EVA1A: variants seen among roughly 807,000 people sequenced by gnomAD.
The protein encoded by EVA1A is protein eva-1 homolog A.
A neutral mutation model predicts 9.8 loss-of-function variants in EVA1A; 7 were observed. That is an observed-to-expected ratio of 0.71 (90% CI 0.41 to 1.34). EVA1A has a LOEUF of 1.34. EVA1A is among the 40% of genes most tolerant of loss of function. EVA1A has a pLI of 0.01. For missense variants in EVA1A, 206 were observed against 205.9 expected (o/e 1.00, Z 0.00); for synonymous variants, 90 against 85.6 (o/e 1.05, Z -0.28).
At chr2:75,525,522 T>G (rs1192772604) in intron 1 of EVA1A, among the ~76,000 whole-genome samples, 2 of 152,234 alleles carry the variant, frequency 1.3e-5, no homozygotes, top group East Asian at 3.9e-4. Context: ...GCATGGAGAC[T>G]ATGAGCTCCT....
intron 1 of EVA1A, among the ~76,000 whole-genome samples, chr2:75,532,721 T>C (rs530407968): frequency 4.7e-4 from 71 of 152,262 alleles, no homozygotes; most frequent in African/African-American, 1.6e-3. Flanking sequence ...AAAGAAATAA[T>C]GGCTTTAAAA....
intron 1 of EVA1A, among the ~76,000 whole-genome samples, chr2:75,546,404 G>A (rs1385352755): frequency 6.6e-6 from 1 of 152,090 alleles, no homozygotes; most frequent in African/African-American, 2.4e-5. Context: ...GAAAGAAGAG[G>A]CTGGGGGGAA....
chr2:75,520,199 C>T (rs1357346713), intron 2 of EVA1A, among the ~76,000 whole-genome samples: 1 of 152,144 alleles, frequency 6.6e-6, no homozygotes, highest in East Asian at 1.9e-4. Flanking sequence ...TTCACCTCTT[C>T]ATGCTTTTGG....
chr2:75,508,076 A>C (rs552786141), intron 3 of EVA1A, among the ~76,000 whole-genome samples: 27 of 152,294 alleles, frequency 1.8e-4, no homozygotes, highest in African/African-American at 6.3e-4. Flanking sequence ...GTGATTTCCT[A>C]TGCCTGTCTT....
intron 3 of EVA1A, among the ~76,000 whole-genome samples, chr2:75,496,325 A>G (rs1674210963): frequency 6.6e-6 from 1 of 152,208 alleles, no homozygotes; most frequent in African/African-American, 2.4e-5. Context: ...CAGATAATTG[A>G]CTTCAGTAAA....
chr2:75,550,294 C>T (rs1380728992), intron 1 of EVA1A, among the ~76,000 whole-genome samples: 2 of 152,178 alleles, frequency 1.3e-5, no homozygotes, highest in Non-Finnish European at 2.9e-5. Context: ...AACTCTCTGT[C>T]TCCTCTCATA....
intron 1 of EVA1A, among the ~76,000 whole-genome samples, chr2:75,540,057 T>G (rs1676055962): frequency 1.3e-5 from 2 of 152,200 alleles, no homozygotes; most frequent in Non-Finnish European, 2.9e-5. Flanking sequence ...TTCACTACCT[T>G]GCAACCTTCC....
rs549838604 is a variant in EVA1A at position 75,536,975 on chromosome 2, G to A, written c.-191-14488C>T. Among the ~76,000 whole-genome samples, 157 of 152,084 alleles carry A rather than the reference G, an allele frequency of 1.0e-3. 3 individuals are homozygous for A. The highest frequency in any genetic ancestry group is 3.7e-3 in the African/African-American group (152 of 41,468). ...TCATTTCATGAAGCTAGCATTACAC[G>A]GATACCAACCCCAGACAAAGATAGT... is the stretch of plus-strand genomic sequence containing the variant. On this transcript the variant is annotated intron_variant, in intron 1 of 3. Transcript: ENST00000393913.
rs140738716 is a variant in EVA1A, at chr2:75,511,540, A to G, written c.85+6516T>C. Among the ~76,000 whole-genome samples, 22 of 152,328 alleles carry G rather than the reference A, an allele frequency of 1.4e-4. No individual in the cohort carries two copies. In the East Asian group the frequency reaches 4.0e-3, roughly 28 times the overall value. ...AAACGTGAAGGGCAAAACAGTATGC[A>G]TGGTGTGCTACCTGTGCATGAAATG... is the stretch of plus-strand genomic sequence containing the variant. On this transcript the variant is annotated intron_variant, in intron 3 of 3. Transcript: ENST00000393913.
intron 3 of EVA1A, among the ~76,000 whole-genome samples, chr2:75,501,132 C>G (rs1337845228): frequency 2.0e-5 from 3 of 152,138 alleles, no homozygotes; most frequent in Non-Finnish European, 4.4e-5. Context: ...TCCAGACAAG[C>G]CAAAGACTTC....
chr2:75,518,729 G>A (rs778359328), intron 2 of EVA1A: 577 of 986,638 alleles, frequency 5.8e-4, no homozygotes, highest in Non-Finnish European at 6.5e-4. Flanking sequence ...TCATCACTGC[G>A]TTTTAACTAC....
At chr2:75,518,244 T>G in intron 2 of EVA1A, 36 bp from the exon 3 acceptor site, 1 of 1,515,466 alleles carries the variant, frequency 6.6e-7, no homozygotes, top group East Asian at 2.4e-5. Context: ...TAAGAAACAT[T>G]CTGCTGTCCT....
chr2:75,531,576 C>T (rs574484635), intron 1 of EVA1A, among the ~76,000 whole-genome samples: 46 of 151,862 alleles, frequency 3.0e-4, no homozygotes, highest in Non-Finnish European at 5.9e-4. Flanking sequence ...GAATACTACT[C>T]AGCCATAAAA....
intron 3 of EVA1A, among the ~76,000 whole-genome samples, chr2:75,510,509 C>T (rs1024743781): frequency 6.6e-6 from 1 of 152,100 alleles, no homozygotes; most frequent in African/African-American, 2.4e-5. Context: ...GGTGAGGCTC[C>T]CTCACTGTTG....
intron 1 of EVA1A, among the ~76,000 whole-genome samples, chr2:75,526,403 T>G (rs1216648493): frequency 1.3e-5 from 2 of 152,224 alleles, no homozygotes; most frequent in Non-Finnish European, 2.9e-5. Flanking sequence ...ATAGTCCACA[T>G]TTTTTGAGAC....
At position 75,533,973 on chromosome 2, in the gene EVA1A, G is replaced by A. The variant is rs1348670249; in HGVS notation, c.-191-11486C>T. 4.0e-5 allele frequency among the ~76,000 whole-genome samples: 6 copies of A among 151,626 alleles called. No individual in the cohort carries two copies. In the East Asian group the frequency reaches 5.8e-4, roughly 15 times the overall value. ...ACTACAGGCGCCCGCCACCACGCCC[G>A]GCTAATTTTTTTGTATTTTTAGTAG... On this transcript the variant is annotated intron_variant, in intron 1 of 3. Transcript: ENST00000393913.
rs565513046 is a variant in EVA1A at position 75,538,879 on chromosome 2, G to A, written c.-191-16392C>T. On this transcript the variant is annotated intron_variant, in intron 1 of 3. Transcript: ENST00000393913. ...AAGAAAGTTATTGTAGCTAAAAAAC[G>A]GCAACATGAGAAATCCTTGTGATGA... 6.6e-5 allele frequency among the ~76,000 whole-genome samples: 10 copies of A among 152,238 alleles called. No individual in the cohort carries two copies. The East Asian group carries it at 1.5e-3, about 24-fold the overall frequency.
At chr2:75,538,225 G>A (rs1675987423) in intron 1 of EVA1A, among the ~76,000 whole-genome samples, 1 of 152,186 alleles carries the variant, frequency 6.6e-6, no homozygotes, top group Admixed American at 6.5e-5. Context: ...GGGAGGTGGA[G>A]GTTGCACCAC....
intron 3 of EVA1A, among the ~76,000 whole-genome samples, chr2:75,501,985 C>G (rs534268681): frequency 1.3e-5 from 2 of 152,128 alleles, no homozygotes; most frequent in Non-Finnish European, 2.9e-5. Context: ...ATTCCCCAAC[C>G]AAGAGAAAAT....
Sources: allele counts gnomAD v4.1 joint callset (sites outside exome capture counted in the v4.1 genomes callset), GRCh38; gene constraint gnomAD v4.1.1; transcripts MANE v1.5; gene names NCBI Gene and HGNC (gene_info 2026-07-23, HGNC 2026-07-21).